Variants in STK31 observed in about 807,000 individuals in gnomAD.
The protein encoded by STK31 is serine/threonine-protein kinase 31.
In STK31, 89 loss-of-function variants were observed where a neutral mutation model predicts 129.7. The observed-to-expected ratio is 0.69, with a 90% CI of 0.58 to 0.82. The LOEUF (loss-of-function observed/expected upper bound fraction) is 0.82. Ranked by LOEUF, STK31 falls within the 40% of genes least tolerant of loss-of-function variation. The pLI is 0.00. For synonymous variants in STK31, 448 were observed against 395.3 expected, an observed-to-expected ratio of 1.13 and a Z score of -1.58; for missense variants, 1,187 against 1,176.4, an observed-to-expected ratio of 1.01 and a Z score of -0.13.
chr7:23,750,267 G>T (rs114724307), intron 8 of STK31, among the ~76,000 whole-genome samples: 490 of 152,104 alleles, frequency 3.2e-3, no homozygotes, highest in African/African-American at 0.012. Context: ...AGCAGTCCAG[G>T]TTTTCCTATC....
Position 23,769,727 on chromosome 7 carries a change from G to T in STK31, c.1684G>T (p.Val562Phe). The change falls in exon 13 of 24, where the codon GTC (valine) becomes TTC (phenylalanine). Residue 562 changes from valine to phenylalanine, a missense_variant. This residue lies in a region of STK31 where 975 missense variants were observed against 934.9 expected (regional missense o/e 1.04). Transcript: ENST00000355870. ...DEILEKTESS[V>F]CKELEIALVD... ...AATCCTAGAGAAGACTGAGTCAAGT[G>T]TCTGCAAAGAGCTGGAGATAGCTCT... The T allele has an allele frequency of 6.2e-7, 1 of 1,610,772 alleles. No individual in the cohort carries two copies. The highest frequency in any genetic ancestry group is 8.5e-7 in the Non-Finnish European group (1 of 1,178,088).
intron 6 of STK31, among the ~76,000 whole-genome samples, chr7:23,730,878 A>ATATATATATATATATATTTTTT: frequency 1.7e-5 from 1 of 59,542 alleles, no homozygotes; most frequent in South Asian, 8.2e-4. Flanking sequence ...ATATATATAT[A>ATATATATATATATATATTTTTT]TTTTTTTTTT....
intron 22 of STK31, among the ~76,000 whole-genome samples, chr7:23,791,914 A>G (rs925641917): frequency 2.0e-5 from 3 of 152,258 alleles, no homozygotes; most frequent in African/African-American, 7.2e-5. Context: ...CATAGACAGT[A>G]TGTAAACAAA....
chr7:23,711,313 G>A (rs1175048470), intron 1 of STK31, among the ~76,000 whole-genome samples: 2 of 151,814 alleles, frequency 1.3e-5, no homozygotes, highest in Non-Finnish European at 1.5e-5. Flanking sequence ...GTCACGCGCC[G>A]GTAATCTCAG....
At chr7:23,785,989 A>G (rs2128111055) in intron 18 of STK31, among the ~76,000 whole-genome samples, 1 of 152,292 alleles carries the variant, frequency 6.6e-6, no homozygotes, top group East Asian at 1.9e-4. Context: ...AACTTAAAGT[A>G]TAATAATAAA....
chr7:23,825,694 G>C (rs555212003), intron 23 of STK31, among the ~76,000 whole-genome samples: 2 of 152,206 alleles, frequency 1.3e-5, no homozygotes, highest in East Asian at 3.9e-4. Flanking sequence ...TGATGTTAGG[G>C]TGTCAATTTT....
At chr7:23,752,518 T>C (rs563335136) in intron 8 of STK31, among the ~76,000 whole-genome samples, 199 bp from the exon 9 acceptor site, 49 of 152,280 alleles carry the variant, frequency 3.2e-4, no homozygotes, top group African/African-American at 1.2e-3. Context: ...CCATGTATTT[T>C]TTCGTAGAGA....
Position 23,754,224 on chromosome 7 carries a change from A to G in STK31, c.1134-91A>G, listed in dbSNP as rs1788906042. Reference sequence around the variant, plus strand: ...TTCAAAGCCAGTGCTGTAAACACTAACTTTTAGACCATTACTATTAAAGTG... The same window carrying G: ...TTCAAAGCCAGTGCTGTAAACACTAGCTTTTAGACCATTACTATTAAAGTG... On this transcript the variant is annotated intron_variant, in intron 9 of 23. Transcript: ENST00000355870. 5.2e-6 allele frequency: 7 copies of G among 1,346,328 alleles called. No individual in the cohort carries two copies. The South Asian group carries it at 1.1e-4, about 21-fold the overall frequency. The allele number at this position is 1,346,328 out of a possible 1,614,324, so 83.4% of individuals were successfully genotyped here.
chr7:23,800,713 G>C (rs111395142), intron 22 of STK31, among the ~76,000 whole-genome samples: 1 of 151,864 alleles, frequency 6.6e-6, no homozygotes, highest in Non-Finnish European at 1.5e-5. Flanking sequence ...AAGCCTGCAC[G>C]TTCTTCACGT....
intron 6 of STK31, among the ~76,000 whole-genome samples, chr7:23,732,423 A>G (rs1459444147): frequency 1.3e-5 from 2 of 152,228 alleles, no homozygotes; most frequent in African/African-American, 4.8e-5. Context: ...GAGAAAACAT[A>G]CATATTTTTG....
rs1350337036 is a variant in STK31, at chr7:23,737,157, A to G, written c.1017+79A>G. 2.3e-6 allele frequency: 3 copies of G among 1,290,924 alleles called. No homozygotes were observed. In the Admixed American group the frequency reaches 9.2e-5, roughly 39 times the overall value. 80.0% of individuals were successfully genotyped at this position (1,290,924 alleles called of 1,614,324 possible). A position where few individuals can be genotyped will look rare whatever the true frequency, so the allele number is the denominator to read the frequency against. On this transcript the variant is annotated intron_variant, in intron 8 of 23. Transcript: ENST00000355870. The stretch of plus-strand genomic sequence containing the variant: ...ATCTGCTGCTATTTATTTTTCTGTC[A>G]CTTTCCTTTCCTTCCCCACCTCATT...
intron 22 of STK31, among the ~76,000 whole-genome samples, chr7:23,802,538 C>T (rs573562831): frequency 1.3e-5 from 2 of 152,182 alleles, no homozygotes; most frequent in East Asian, 3.9e-4. Flanking sequence ...CTTTAAGACG[C>T]AGTCTCACTC....
intron 22 of STK31, among the ~76,000 whole-genome samples, chr7:23,796,540 AC>A (rs1168266365): frequency 6.6e-6 from 1 of 152,160 alleles, no homozygotes; most frequent in Non-Finnish European, 1.5e-5. Context: ...ATTAACTTGT[AC>A]AATGGACTTT....
intron 6 of STK31, among the ~76,000 whole-genome samples, chr7:23,734,767 C>T (rs1787618612): frequency 6.6e-6 from 1 of 152,076 alleles, no homozygotes; most frequent in Non-Finnish European, 1.5e-5. Flanking sequence ...GAGTTTGAGA[C>T]CAGCTCAACT....
At chr7:23,805,285 A>G (rs571586690) in intron 22 of STK31, among the ~76,000 whole-genome samples, 1 of 152,218 alleles carries the variant, frequency 6.6e-6, no homozygotes, top group African/African-American at 2.4e-5. Flanking sequence ...CATCTTGCTC[A>G]GGCTGGTCTC....
chr7:23,730,130 T>C (rs1405697862), intron 6 of STK31, among the ~76,000 whole-genome samples: 1 of 152,228 alleles, frequency 6.6e-6, no homozygotes, highest in Admixed American at 6.5e-5. Flanking sequence ...TTCTACCTCT[T>C]TTAAAATCTG....
chr7:23,814,468 A>G (rs1451169004), intron 22 of STK31, among the ~76,000 whole-genome samples: 1 of 152,032 alleles, frequency 6.6e-6, no homozygotes, highest in Non-Finnish European at 1.5e-5. Context: ...GTATAAAAGT[A>G]TTTTTCCTAT....
chr7:23,745,184 G>A (rs1170725495), intron 8 of STK31, among the ~76,000 whole-genome samples: 1 of 152,140 alleles, frequency 6.6e-6, no homozygotes, highest in Non-Finnish European at 1.5e-5. Context: ...TTGGGCCCTT[G>A]GGAGGAGTGT....
intron 23 of STK31, among the ~76,000 whole-genome samples, chr7:23,815,420 T>G (rs1411971215): frequency 6.6e-6 from 1 of 152,156 alleles, no homozygotes; most frequent in Non-Finnish European, 1.5e-5. Context: ...TCACACAGAT[T>G]ATATAAATAA....
Sources: gnomAD v4.1 joint callset for allele counts (sites outside exome capture counted in the v4.1 genomes callset) on GRCh38, gnomAD v4.1.1 for gene constraint, gnomAD v4.1.1 regional missense constraint, MANE v1.5 for transcripts, NCBI Gene and HGNC (gene_info 2026-07-23, HGNC 2026-07-21) for gene names.